LAMA2: variants seen among roughly 807,000 people sequenced by gnomAD.
LAMA2 encodes laminin subunit alpha-2.
In LAMA2, 269 loss-of-function variants were observed where a neutral mutation model predicts 364.8. The observed-to-expected ratio is 0.74, with a 90% CI of 0.67 to 0.82. The LOEUF is 0.82. Ranked by LOEUF, LAMA2 falls within the 40% of genes least tolerant of loss-of-function variation. LAMA2 has a pLI of 0.00. For missense variants in LAMA2, 3,807 were observed against 3,873.2 expected, an observed-to-expected ratio of 0.98 and a Z score of 0.45; for synonymous variants, 1,379 against 1,370.6, an observed-to-expected ratio of 1.01 and a Z score of -0.14.
At chr6:129,089,742 C>T (rs919237827) in intron 3 of LAMA2, among the ~76,000 whole-genome samples, 2 of 152,156 alleles carry the variant, frequency 1.3e-5, no homozygotes, top group Non-Finnish European at 2.9e-5. Flanking sequence ...CTGCAGCTGA[C>T]GTTGTTAAAA....
chr6:129,207,556 G>A (rs1223906838), intron 12 of LAMA2, among the ~76,000 whole-genome samples: 2 of 152,032 alleles, frequency 1.3e-5, no homozygotes, highest in Admixed American at 1.3e-4. Context: ...GATCAATAGT[G>A]TAAGAATCAT....
chr6:128,938,265 A>G (rs1384537140), intron 1 of LAMA2, among the ~76,000 whole-genome samples: 1 of 152,150 alleles, frequency 6.6e-6, no homozygotes, highest in African/African-American at 2.4e-5. Context: ...TCCCTGACTG[A>G]TTGTGAAGAT....
chr6:129,315,611 G>A lies in LAMA2; in HGVS notation c.3691G>A (p.Glu1231Lys). ...MDLMREDLHL[E>K]PFYWKLPEQF... The stretch of plus-strand genomic sequence containing the variant: ...CCTGATGAGAGAAGATCTCCATTTG[G>A]AACCTTTTTATTGGAAACTTCCAGA... Residue 1231 changes from glutamate to lysine, a missense_variant, in exon 25 of 65, where the codon GAA becomes AAA. Physicochemically the swap from Glu to Lys is moderately conservative, Grantham distance 56. Coordinates refer to ENST00000421865, the MANE Select transcript of LAMA2 (RefSeq NM_000426.4). 6.2e-7 allele frequency: 1 copy of A among 1,614,134 alleles called. No individual in the cohort carries two copies. The highest frequency in any genetic ancestry group is 8.5e-7 in the Non-Finnish European group (1 of 1,180,012).
rs372905834 is a variant in LAMA2, at chr6:129,280,108, A to G, written c.2498A>G (p.Asp833Gly). 3.7e-5 allele frequency: 60 copies of G among 1,613,252 alleles called. No individual in the cohort carries two copies. Among genetic ancestry groups the G allele is most frequent in the Non-Finnish European group, 4.8e-5 (57 of 1,179,478 alleles). ...HLDRSLGLIC[D>G]GCPVGYTGPR... ...GACCGGAGTCTTGGATTGATCTGTGATGGATGCCCTGTCGGGTACACAGGA... is the reference window on the plus strand; with the variant it reads ...GACCGGAGTCTTGGATTGATCTGTGGTGGATGCCCTGTCGGGTACACAGGA... The change falls in exon 18 of 65, where the codon GAT becomes GGT. Residue 833 changes from aspartate (D) to glycine (G), a missense_variant. Around this residue, in one of 3 missense-constraint regions of LAMA2, gnomAD observed 3,333 missense variants for 3,345.7 expected, o/e 1.00. Coordinates refer to ENST00000421865, the MANE Select transcript of LAMA2 (RefSeq NM_000426.4).
chr6:129,461,508 T>C (rs555562889), intron 49 of LAMA2, among the ~76,000 whole-genome samples: 1 of 152,158 alleles, frequency 6.6e-6, no homozygotes, highest in Non-Finnish European at 1.5e-5. Flanking sequence ...ATTCTTTCAA[T>C]ACATGAAAGA....
intron 1 of LAMA2, among the ~76,000 whole-genome samples, chr6:128,972,983 A>C (rs1782283009): frequency 6.6e-6 from 1 of 152,172 alleles, no homozygotes; most frequent in Middle Eastern, 3.2e-3. Context: ...TACAATTTCA[A>C]CTGAATGGCA....
At chr6:129,511,634 A>C (rs1187759937) in intron 62 of LAMA2, among the ~76,000 whole-genome samples, 1 of 152,174 alleles carries the variant, frequency 6.6e-6, no homozygotes, top group African/African-American at 2.4e-5. Flanking sequence ...TATTTCTCTG[A>C]TACTCAGTTC....
intron 53 of LAMA2, among the ~76,000 whole-genome samples, chr6:129,478,365 G>GA (rs1583844513): frequency 1.3e-5 from 2 of 151,996 alleles, no homozygotes; most frequent in Admixed American, 1.3e-4. Flanking sequence ...TCTCTTTGGT[G>GA]AAAAAAATAA....
chr6:129,358,869 C>G (rs1279473108), intron 32 of LAMA2, among the ~76,000 whole-genome samples: 1 of 151,930 alleles, frequency 6.6e-6, no homozygotes, highest in East Asian at 1.9e-4. Flanking sequence ...CTTTCAGTTT[C>G]CTGTTACTAT....
intron 10 of LAMA2, among the ~76,000 whole-genome samples, chr6:129,181,730 A>G (rs1403914266): frequency 3.3e-5 from 5 of 151,920 alleles, no homozygotes; most frequent in Non-Finnish European, 7.4e-5. Flanking sequence ...ACAGAAGTTT[A>G]GCAGAAGTTG....
intron 12 of LAMA2, among the ~76,000 whole-genome samples, chr6:129,206,684 A>G (rs1365886810): frequency 6.6e-6 from 1 of 152,218 alleles, no homozygotes; most frequent in Admixed American, 6.5e-5. Flanking sequence ...GTAGCCACTG[A>G]GTCAAAGCAG....
intron 3 of LAMA2, among the ~76,000 whole-genome samples, chr6:129,070,176 T>C (rs1387402747): frequency 6.6e-6 from 1 of 152,084 alleles, no homozygotes; most frequent in Non-Finnish European, 1.5e-5. Context: ...ATGGAGCAAA[T>C]AGGCCCACTT....
At chr6:128,936,018 C>A (rs965079773) in intron 1 of LAMA2, among the ~76,000 whole-genome samples, 7 of 151,996 alleles carry the variant, frequency 4.6e-5, no homozygotes, top group African/African-American at 1.5e-4. Context: ...TTCTCATGAG[C>A]TCTGATAGTT....
chr6:129,516,128 A>C, intron 64 of LAMA2, 62 bp from the exon 65 acceptor site: 1 of 1,554,756 alleles, frequency 6.4e-7, no homozygotes, highest in Non-Finnish European at 8.9e-7. Context: ...ACTTTGAAAC[A>C]TGCTCTTAAT....
intron 56 of LAMA2, among the ~76,000 whole-genome samples, chr6:129,487,362 T>G (rs1784643746): frequency 6.6e-6 from 1 of 152,200 alleles, no homozygotes; most frequent in Non-Finnish European, 1.5e-5. Context: ...CATCAAAATA[T>G]TGTATGACAA....
At chr6:129,165,976 T>C (rs981713870) in intron 9 of LAMA2, among the ~76,000 whole-genome samples, 2 of 152,162 alleles carry the variant, frequency 1.3e-5, no homozygotes, top group Admixed American at 1.3e-4. Context: ...CTGTGGTATA[T>C]GTAATTTTTT....
At chr6:128,923,681 C>T (rs369855231) in intron 1 of LAMA2, among the ~76,000 whole-genome samples, 1 of 152,090 alleles carries the variant, frequency 6.6e-6, no homozygotes, top group African/African-American at 2.4e-5. Context: ...TATAAGAACA[C>T]AATTACTCAA....
intron 53 of LAMA2, 151 bp downstream of exon 53, chr6:129,475,552 TCTC>T: frequency 1.7e-6 from 1 of 589,620 alleles, no homozygotes; most frequent in Non-Finnish European, 3.0e-6. Context: ...CTGTGAGAGT[TCTC>T]CTGCTGCCCC....
At chr6:128,989,944 C>T (rs199650817) in intron 1 of LAMA2, among the ~76,000 whole-genome samples, 15 of 152,246 alleles carry the variant, frequency 9.9e-5, no homozygotes, top group Admixed American at 2.6e-4. Flanking sequence ...CTCTTTCAGA[C>T]GCTGGTCACC....
Sources: gnomAD v4.1 joint callset for allele counts (sites outside exome capture counted in the v4.1 genomes callset) on GRCh38, gnomAD v4.1.1 for gene constraint, gnomAD v4.1.1 regional missense constraint, MANE v1.5 for transcripts, NCBI Gene and HGNC (gene_info 2026-07-23, HGNC 2026-07-21) for gene names.